CCSER2: variants seen among roughly 807,000 people sequenced by gnomAD.
CCSER2 encodes the protein coiled-coil serine rich protein 2, also known as serine-rich coiled-coil domain-containing protein 2.
In CCSER2, 46 loss-of-function variants were observed where a neutral mutation model predicts 92.3. The observed-to-expected ratio is 0.50, with a 90% CI of 0.39 to 0.64. The LOEUF (loss-of-function observed/expected upper bound fraction) is 0.64. CCSER2 is among the 30% of genes least tolerant of loss of function. CCSER2 has a pLI of 0.00. For missense variants in CCSER2, 1,244 were observed against 1,238.9 expected (o/e 1.00, Z -0.06); for synonymous variants, 433 against 431.4 (o/e 1.00, Z -0.04).
intron 1 of CCSER2, among the ~76,000 whole-genome samples, chr10:84,335,184 G>A (rs1285445016): frequency 6.7e-6 from 1 of 148,706 alleles, no homozygotes; most frequent in Non-Finnish European, 1.5e-5. Context: ...TCTTGTATCT[G>A]AGCAAGTGTT....
At position 84,489,573 on chromosome 10, in the gene CCSER2, T is replaced by C. The variant is rs190816300; in HGVS notation, c.2325+11909T>C. Among the ~76,000 whole-genome samples the C allele has an allele frequency of 1.5e-3, 223 of 152,344 alleles. 2 individuals are homozygous for C. In the Middle Eastern group the frequency reaches 0.017, roughly 12 times the overall value. ...CTAGGATTGCAACCCCTAACTTTTT[T>C]TTGTTTTCCATTTGCTTGGTAGATC... On this transcript the variant is annotated intron_variant, in intron 9 of 9. Coordinates refer to ENST00000372088, the MANE Select transcript of CCSER2 (RefSeq NM_001284240.2).
chr10:84,493,273 C>A (rs1398405612), intron 9 of CCSER2, among the ~76,000 whole-genome samples: 1 of 152,060 alleles, frequency 6.6e-6, no homozygotes, highest in Non-Finnish European at 1.5e-5. Flanking sequence ...CCTTTATTAC[C>A]TTAATGGCTG....
chr10:84,337,998 G>A (rs1382765087), intron 1 of CCSER2, among the ~76,000 whole-genome samples: 1 of 152,038 alleles, frequency 6.6e-6, no homozygotes, highest in Non-Finnish European at 1.5e-5. Flanking sequence ...AAAAGGAGAG[G>A]GGGCTGGGCA....
chr10:84,487,096 G>A (rs1847852472), intron 9 of CCSER2, among the ~76,000 whole-genome samples: 1 of 152,070 alleles, frequency 6.6e-6, no homozygotes, highest in South Asian at 2.1e-4. Context: ...CTGTTCCATT[G>A]GTCTATATCT....
At chr10:84,463,605 A>C (rs1846226139) in intron 6 of CCSER2, among the ~76,000 whole-genome samples, 1 of 152,194 alleles carries the variant, frequency 6.6e-6, no homozygotes, top group African/African-American at 2.4e-5. Context: ...TTTGTTTTAC[A>C]CTTTTCCTAG....
chr10:84,370,845 A>G (rs1846022186), intron 1 of CCSER2, among the ~76,000 whole-genome samples, 169 bp from the exon 2 acceptor site: 1 of 152,116 alleles, frequency 6.6e-6, no homozygotes, highest in South Asian at 2.1e-4. Flanking sequence ...TTCCAACATA[A>G]AGTTATTAAT....
chr10:84,438,558 G>A lies in CCSER2; in HGVS notation c.1915G>A (p.Gly639Arg), dbSNP rs141451718. ...TCCTTTGGGTCATTTTGAAAGCTAT[G>A]GAGGGATGCCCTTTTTCCAGGCTCA... ...ESPLGHFESY[G>R]GMPFFQAQKM... The change falls in exon 6 of 10, where the codon GGA becomes AGA. Residue 639 changes from glycine to arginine, a missense_variant. Transcript: ENST00000372088. 1.2e-5 allele frequency: 20 copies of A among 1,613,588 alleles called. No individual in the cohort carries two copies. In the African/African-American group the frequency reaches 2.3e-4, roughly 18 times the overall value.
At chr10:84,359,872 C>T (rs1324230901) in intron 1 of CCSER2, among the ~76,000 whole-genome samples, 1 of 151,448 alleles carries the variant, frequency 6.6e-6, no homozygotes, top group Non-Finnish European at 1.5e-5. Context: ...GGAGTGCAGT[C>T]GTGCAATGTC....
intron 9 of CCSER2, among the ~76,000 whole-genome samples, chr10:84,504,331 G>A (rs1848929689): frequency 6.7e-6 from 1 of 149,638 alleles, no homozygotes; most frequent in African/African-American, 2.5e-5. Flanking sequence ...CTGTTTTTAA[G>A]TGGTGCCTCC....
At position 84,372,322 on chromosome 10, in the gene CCSER2, T is replaced by C; in HGVS notation, c.1270T>C (p.Ser424Pro). The C allele has an allele frequency of 6.2e-7, 1 of 1,612,246 alleles. No homozygotes were observed. The highest frequency in any genetic ancestry group is 8.5e-7 in the Non-Finnish European group (1 of 1,178,870). The change falls in exon 2 of 10, where the codon TCC becomes CCC. Residue 424 changes from serine to proline, a missense_variant. Coordinates refer to ENST00000372088, the MANE Select transcript of CCSER2 (RefSeq NM_001284240.2). ...TGATGATTTTATAGATATAGAAGAC[T>C]CCAACAGAACTAGAATAACTCCAGA... ...FSDDFIDIED[S>P]NRTRITPEEM...
intron 6 of CCSER2, among the ~76,000 whole-genome samples, chr10:84,452,608 ATTAC>A (rs1481070037): frequency 2.0e-5 from 3 of 152,176 alleles, no homozygotes; most frequent in Non-Finnish European, 4.4e-5. Flanking sequence ...TTAACTGTGA[ATTAC>A]TTATTTTTTG....
chr10:84,465,876 G>A (rs369701233), intron 7 of CCSER2, among the ~76,000 whole-genome samples: 38 of 151,994 alleles, frequency 2.5e-4, no homozygotes, highest in African/African-American at 8.7e-4. Context: ...TCAGCCTCCC[G>A]AGTAGCTGGG....
chr10:84,433,407 A>G (rs1325597932), intron 5 of CCSER2, among the ~76,000 whole-genome samples: 1 of 151,424 alleles, frequency 6.6e-6, no homozygotes, highest in Admixed American at 6.6e-5. Context: ...AGAAATGAAG[A>G]AGAAAAATCT....
intron 6 of CCSER2, among the ~76,000 whole-genome samples, chr10:84,447,635 T>C (rs1306715741): frequency 2.6e-5 from 4 of 152,192 alleles, no homozygotes; most frequent in Admixed American, 2.0e-4. Context: ...CATAAAAATA[T>C]TCTATTCTTT....
At chr10:84,434,659 TTAA>T (rs1217408394) in intron 5 of CCSER2, among the ~76,000 whole-genome samples, 9 of 152,286 alleles carry the variant, frequency 5.9e-5, no homozygotes, top group Middle Eastern at 3.4e-3. Flanking sequence ...GGTTGGAAAC[TTAA>T]TAATATTATA....
intron 4 of CCSER2, among the ~76,000 whole-genome samples, chr10:84,418,880 G>A (rs1460455817): frequency 6.6e-6 from 1 of 152,194 alleles, no homozygotes; most frequent in Non-Finnish European, 1.5e-5. Context: ...GGACTAGCTT[G>A]AGGTCTGTTC....
chr10:84,379,036 T>C (rs1213399392), intron 3 of CCSER2, among the ~76,000 whole-genome samples: 3 of 152,222 alleles, frequency 2.0e-5, no homozygotes, highest in Admixed American at 6.5e-5. Flanking sequence ...TTTGAAAGAA[T>C]TTGTGTACAA....
In CCSER2 at chr10:84,506,151, A is replaced by AAC. The variant is rs1198924567; in HGVS notation, c.2326-7297_2326-7296insCA. Among the ~76,000 whole-genome samples the AAC allele has an allele frequency of 7.2e-5, 11 of 151,972 alleles. No homozygotes were observed. The South Asian group carries it at 1.7e-3, about 23-fold the overall frequency. ...AATCACTTTGATACTTAAAAAAAAA[A>AAC]AAACCAAACCCGTTAACTGGTCATC... On this transcript the variant is annotated intron_variant, in intron 9 of 9. Transcript: ENST00000372088.
chr10:84,477,571 T>C lies in CCSER2; in HGVS notation c.2236-4T>C. 1 of 1,595,292 alleles carries C rather than the reference T, an allele frequency of 6.3e-7. No individual in the cohort carries two copies. Among genetic ancestry groups the C allele is most frequent in the Non-Finnish European group, 8.6e-7 (1 of 1,164,194 alleles). On this transcript the variant is annotated splice_region_variant and splice_polypyrimidine_tract_variant and intron_variant, in intron 8 of 9. Transcript: ENST00000372088. ...CAATGTAAAAATTTTGTGTTTTTGT[T>C]TAGGCAACTCAGCATATCTGCCACC...
Sources: gnomAD v4.1 joint callset for allele counts (sites outside exome capture counted in the v4.1 genomes callset) on GRCh38, gnomAD v4.1.1 for gene constraint, MANE v1.5 for transcripts, NCBI Gene and HGNC (gene_info 2026-07-23, HGNC 2026-07-21) for gene names.